SNX18: variants seen among roughly 807,000 people sequenced by gnomAD.
The protein encoded by SNX18 is sorting nexin 18, also known as sorting nexin-18.
Under a neutral mutation model 48.7 loss-of-function variants are expected in SNX18, and 35 were observed. The ratio of observed to expected loss-of-function variants is 0.72; its 90% CI spans 0.55 to 0.95. The LOEUF is 0.95. SNX18 is among the 40% of genes least tolerant of loss of function. The probability of loss-of-function intolerance (pLI) is 0.00; values close to 1 mark genes in which losing one functional copy is unlikely to be tolerated. For synonymous variants in SNX18, 492 were observed against 384.7 expected (o/e 1.28, Z -3.26); for missense variants, 824 against 871.0 (o/e 0.95, Z 0.68).
chr5:54,597,837 C>T, the SNX18 span, among the ~76,000 whole-genome samples: 4 of 151,778 alleles, frequency 2.6e-5, no homozygotes, highest in African/African-American at 9.7e-5. Context: ...AACTAGAGAA[C>T]AAAAAGCAGA....
At chr5:54,622,222 G>C in the SNX18 span, among the ~76,000 whole-genome samples, 1 of 152,242 alleles carries the variant, frequency 6.6e-6, no homozygotes, top group African/African-American at 2.4e-5. Context: ...AACAGGGCCA[G>C]ACATGGTGGC....
the SNX18 span, among the ~76,000 whole-genome samples, chr5:54,633,227 C>T: frequency 6.6e-6 from 1 of 152,032 alleles, no homozygotes; most frequent in South Asian, 2.1e-4. Flanking sequence ...GTCCTTTGTC[C>T]TAGATCAGTG....
At chr5:54,534,899 A>G (rs960236781) in intron 1 of SNX18, among the ~76,000 whole-genome samples, 1 of 152,198 alleles carries the variant, frequency 6.6e-6, no homozygotes, top group Non-Finnish European at 1.5e-5. Flanking sequence ...CTGTCATTCT[A>G]GAAAAAAATT....
chr5:54,578,044 A>G, the SNX18 span, among the ~76,000 whole-genome samples: 1 of 152,178 alleles, frequency 6.6e-6, no homozygotes, highest in African/African-American at 2.4e-5. Flanking sequence ...CTCATCTGCA[A>G]TTATAGCTCT....
the SNX18 span, among the ~76,000 whole-genome samples, chr5:54,611,988 C>T: frequency 2.0e-5 from 3 of 152,044 alleles, no homozygotes; most frequent in Admixed American, 2.0e-4. Context: ...AGCGATCCTC[C>T]CGCCTCAGAT....
intron 1 of SNX18, among the ~76,000 whole-genome samples, chr5:54,542,012 TCAGACTGCCAAGC>T (rs1762480642): frequency 6.6e-6 from 1 of 152,184 alleles, no homozygotes. Flanking sequence ...TACTGTGTTC[TCAGACTGCCAAGC>T]CAGGCACTCT....
At chr5:54,640,651 T>C in the SNX18 span, among the ~76,000 whole-genome samples, 5 of 152,244 alleles carry the variant, frequency 3.3e-5, no homozygotes, top group South Asian at 8.3e-4. Flanking sequence ...TTGACCATCA[T>C]AATGAGTAAA....
the SNX18 span, among the ~76,000 whole-genome samples, chr5:54,582,775 A>G: frequency 4.0e-4 from 61 of 152,318 alleles, no homozygotes; most frequent in Non-Finnish European, 2.5e-4. Context: ...TCAAAGAGAA[A>G]AATAAATTAG....
At chr5:54,539,369 T>C (rs1295744579) in intron 1 of SNX18, among the ~76,000 whole-genome samples, 2 of 152,212 alleles carry the variant, frequency 1.3e-5, no homozygotes, top group Non-Finnish European at 2.9e-5. Context: ...GTAGTGAAGA[T>C]TAGAAACAGT....
At chr5:54,557,397 A>T in the SNX18 span, among the ~76,000 whole-genome samples, 1 of 152,234 alleles carries the variant, frequency 6.6e-6, no homozygotes, top group Non-Finnish European at 1.5e-5. Context: ...TTAGCTAAAT[A>T]GTTGGATAAT....
rs1296574274 is a variant in SNX18 at position 54,519,294 on chromosome 5, A to G, written c.1342A>G (p.Thr448Ala). Residue 448 changes from threonine (T) to alanine (A), a missense_variant, in exon 1 of 2, where the codon ACG (threonine) becomes GCG (alanine). This residue lies in a region of SNX18 where 443 missense variants were observed against 503.6 expected (regional missense o/e 0.88). Coordinates refer to ENST00000381410, the MANE Select transcript of SNX18 (RefSeq NM_001102575.2). ...CGACAGCGCGCTGCAGCTCAACCACACGGCCAACGAGTTCGCGCGCAAGCA... is the reference window on the plus strand; with the variant it reads ...CGACAGCGCGCTGCAGCTCAACCACGCGGCCAACGAGTTCGCGCGCAAGCA... ...MDDSALQLNHTANEFARKQVT... is the reference protein window; with the variant it reads ...MDDSALQLNHAANEFARKQVT... 2 of 1,614,050 alleles carry G rather than the reference A, an allele frequency of 1.2e-6. No homozygotes were observed. The highest frequency in any genetic ancestry group is 2.2e-5 in the East Asian group (1 of 44,846).
chr5:54,521,751 G>A (rs1762037131), intron 1 of SNX18, among the ~76,000 whole-genome samples: 1 of 152,124 alleles, frequency 6.6e-6, no homozygotes, highest in South Asian at 2.1e-4. Context: ...TTATTTTGTA[G>A]AGACAGGTGT....
chr5:54,519,650 A>T (rs1297248538), intron 1 of SNX18, 77 bp downstream of exon 1: 2 of 1,614,184 alleles, frequency 1.2e-6, no homozygotes, highest in South Asian at 1.1e-5. Flanking sequence ...CAGCAGTACC[A>T]CTGTGGGTTT....
chr5:54,559,835 A>G, the SNX18 span, among the ~76,000 whole-genome samples: 1 of 152,234 alleles, frequency 6.6e-6, no homozygotes, highest in Non-Finnish European at 1.5e-5. Flanking sequence ...AATATCCAGC[A>G]TCTATAAGGA....
At chr5:54,519,755 C>T (rs781465791) in intron 1 of SNX18, 182 bp downstream of exon 1, 12 of 1,614,040 alleles carry the variant, frequency 7.4e-6, no homozygotes, top group South Asian at 3.3e-5. Flanking sequence ...CAGGCAGCTT[C>T]CTCCTCGAGT....
At chr5:54,564,921 T>C in the SNX18 span, among the ~76,000 whole-genome samples, 161 of 152,314 alleles carry the variant, frequency 1.1e-3, no homozygotes, top group African/African-American at 3.7e-3. Context: ...TCCGAATTCA[T>C]GTGGGAGGGT....
chr5:54,525,962 A>T (rs1274199808), intron 1 of SNX18, among the ~76,000 whole-genome samples: 1 of 152,166 alleles, frequency 6.6e-6, no homozygotes, highest in African/African-American at 2.4e-5. Context: ...GGCTTACCTC[A>T]CTAGGAACTT....
the SNX18 span, among the ~76,000 whole-genome samples, chr5:54,613,808 C>T: frequency 2.0e-5 from 3 of 152,292 alleles, no homozygotes; most frequent in East Asian, 5.8e-4. Flanking sequence ...AAGTGATTCT[C>T]CTGCCTCAGC....
intron 1 of SNX18, among the ~76,000 whole-genome samples, chr5:54,534,465 AG>A (rs1762312710): frequency 1.3e-5 from 2 of 152,146 alleles, no homozygotes; most frequent in Non-Finnish European, 2.9e-5. Flanking sequence ...AGGCAGAAAG[AG>A]GGAAAACGGT....
Sources: gnomAD v4.1 joint callset for allele counts (sites outside exome capture counted in the v4.1 genomes callset) on GRCh38, gnomAD v4.1.1 for gene constraint, gnomAD v4.1.1 regional missense constraint, MANE v1.5 for transcripts, NCBI Gene and HGNC (gene_info 2026-07-23, HGNC 2026-07-21) for gene names.